COL28A1: variants seen among roughly 807,000 people sequenced by gnomAD.
The protein encoded by COL28A1 is collagen alpha-1(XXVIII) chain.
A neutral mutation model predicts 150.2 loss-of-function variants in COL28A1; 161 were observed. The ratio of observed to expected loss-of-function variants is 1.07; its 90% CI spans 0.94 to 1.22. The LOEUF is 1.22. Among genes scored for constraint, COL28A1 ranks in the 50% most tolerant of loss-of-function variants. The pLI is 0.00. For synonymous variants in COL28A1, 552 were observed against 469.7 expected (o/e 1.18, Z -2.26); for missense variants, 1,617 against 1,388.3 (o/e 1.16, Z -2.62).
At chr7:7,378,005 G>A (rs745869478) in intron 30 of COL28A1, among the ~76,000 whole-genome samples, 3 of 152,080 alleles carry the variant, frequency 2.0e-5, no homozygotes, top group Non-Finnish European at 4.4e-5. Flanking sequence ...TGGGATAGGG[G>A]CAGGTTGGGA....
At chr7:7,413,071 A>G (rs1783874115) in intron 27 of COL28A1, among the ~76,000 whole-genome samples, 1 of 152,048 alleles carries the variant, frequency 6.6e-6, no homozygotes, top group Admixed American at 6.5e-5. Context: ...GATGTCTCAG[A>G]GGTTGATCTG....
At chr7:7,384,928 A>G (rs1782093306) in intron 27 of COL28A1, among the ~76,000 whole-genome samples, 1 of 152,214 alleles carries the variant, frequency 6.6e-6, no homozygotes, top group African/African-American at 2.4e-5. Flanking sequence ...GGGAAAGTGT[A>G]GATAACACAG....
chr7:7,461,511 C>T (rs1232757152), intron 15 of COL28A1, among the ~76,000 whole-genome samples: 4 of 152,112 alleles, frequency 2.6e-5, no homozygotes, highest in Middle Eastern at 3.2e-3. Flanking sequence ...CCCTACTCAC[C>T]CACTGCCTGG....
At chr7:7,461,385 G>A (rs1191900703) in intron 15 of COL28A1, among the ~76,000 whole-genome samples, 5 of 152,146 alleles carry the variant, frequency 3.3e-5, no homozygotes, top group South Asian at 4.1e-4. Context: ...GAAGTCTCCT[G>A]GCCAGAACTC....
At chr7:7,344,976 A>G in the COL28A1 span, among the ~76,000 whole-genome samples, 37 of 152,128 alleles carry the variant, frequency 2.4e-4, no homozygotes, top group African/African-American at 8.9e-4. Flanking sequence ...GAAAATGGAC[A>G]GGAGAAATGA....
At chr7:7,437,492 T>C (rs1698999655) in intron 21 of COL28A1, 30 bp from the exon 22 acceptor site, 1 of 1,604,126 alleles carries the variant, frequency 6.2e-7, no homozygotes, top group Middle Eastern at 1.7e-4. Context: ...TCACTACATT[T>C]CAAGCAGAGA....
the COL28A1 span, among the ~76,000 whole-genome samples, chr7:7,346,878 A>G: frequency 1.3e-5 from 2 of 152,090 alleles, no homozygotes; most frequent in Non-Finnish European, 2.9e-5. Context: ...TTATGCCAAC[A>G]TTCCACTTAA....
At chr7:7,513,735 A>T (rs886948608) in intron 8 of COL28A1, among the ~76,000 whole-genome samples, 2 of 152,234 alleles carry the variant, frequency 1.3e-5, no homozygotes, top group African/African-American at 4.8e-5. Flanking sequence ...TACAATTCAC[A>T]TTCCATTTGT....
intron 13 of COL28A1, among the ~76,000 whole-genome samples, chr7:7,478,234 C>T (rs1485131893): frequency 6.6e-6 from 1 of 152,108 alleles, no homozygotes; most frequent in African/African-American, 2.4e-5. Flanking sequence ...GAGCTAGATA[C>T]AGAGTGCTGA....
chr7:7,344,098 T>C, the COL28A1 span, among the ~76,000 whole-genome samples: 36 of 152,260 alleles, frequency 2.4e-4, no homozygotes, highest in African/African-American at 8.7e-4. Context: ...TAGTCTTGCC[T>C]TTTAAAATCC....
In COL28A1 at chr7:7,474,060, A is replaced by G. The variant is rs530008301; in HGVS notation, c.1302+541T>C. Among the ~76,000 whole-genome samples the G allele has an allele frequency of 2.1e-5, 3 of 141,422 alleles. No homozygotes were observed. In the South Asian group the frequency reaches 6.7e-4, roughly 31 times the overall value. The allele number at this position is 141,422 out of a possible 152,430, so 92.8% of individuals were successfully genotyped here. A position where few individuals can be genotyped will look rare whatever the true frequency, so the allele number is the denominator to read the frequency against. On this transcript the variant is annotated intron_variant, in intron 15 of 34. Coordinates refer to ENST00000399429, the MANE Select transcript of COL28A1 (RefSeq NM_001037763.3). ...ACTATATATATACTATATACTCTAT[A>G]TATATATGGAATATATATATATATA...
At chr7:7,534,885 GTT>G (rs1347411580) in intron 1 of COL28A1, among the ~76,000 whole-genome samples, 1 of 151,924 alleles carries the variant, frequency 6.6e-6, no homozygotes, top group Non-Finnish European at 1.5e-5. Flanking sequence ...ATTTCTTTCT[GTT>G]TCCCTATTGT....
intron 27 of COL28A1, among the ~76,000 whole-genome samples, chr7:7,383,562 A>AG (rs1782002901): frequency 6.6e-6 from 1 of 151,788 alleles, no homozygotes; most frequent in African/African-American, 2.4e-5. Context: ...TACAGGCATG[A>AG]GCCACCACAC....
intron 18 of COL28A1, 142 bp downstream of exon 18, chr7:7,452,177 T>G: frequency 1.6e-6 from 2 of 1,226,932 alleles, no homozygotes; most frequent in Non-Finnish European, 1.1e-6. Flanking sequence ...GCAGTAGTAG[T>G]AGCCGCACTT....
At chr7:7,477,062 A>T (rs749338019) in intron 14 of COL28A1, 50 bp downstream of exon 14, 1 of 858,092 alleles carries the variant, frequency 1.2e-6, no homozygotes, top group Non-Finnish European at 2.0e-6. Context: ...TTTGTAATTC[A>T]CGAGCATGTA....
chr7:7,414,056 A>G (rs1216517995), intron 27 of COL28A1, among the ~76,000 whole-genome samples: 2 of 152,220 alleles, frequency 1.3e-5, no homozygotes, highest in African/African-American at 2.4e-5. Flanking sequence ...GGAAACTGGC[A>G]TAACTCCCAA....
chr7:7,417,803 C>T, intron 27 of COL28A1, 56 bp downstream of exon 27: 1 of 1,459,016 alleles, frequency 6.9e-7, no homozygotes, highest in Non-Finnish European at 9.6e-7. Flanking sequence ...ACAACCTCTT[C>T]TCCCAATCAC....
the COL28A1 span, among the ~76,000 whole-genome samples, chr7:7,346,046 T>C: frequency 6.6e-6 from 1 of 152,194 alleles, no homozygotes; most frequent in African/African-American, 2.4e-5. Flanking sequence ...GATCCTGAGC[T>C]TTAAATTTTG....
intron 9 of COL28A1, 65 bp downstream of exon 9, chr7:7,511,025 TC>T (rs1781104072): frequency 3.1e-6 from 4 of 1,283,690 alleles, no homozygotes; most frequent in African/African-American, 1.5e-5. Context: ...CCCAGGAATT[TC>T]CCCTTAAGGA....
Sources: allele counts gnomAD v4.1 joint callset (sites outside exome capture counted in the v4.1 genomes callset), GRCh38; gene constraint gnomAD v4.1.1; transcripts MANE v1.5; gene names NCBI Gene and HGNC (gene_info 2026-07-23, HGNC 2026-07-21).